ALKBH8: variants seen among roughly 807,000 people sequenced by gnomAD.
ALKBH8 encodes the protein tRNA (carboxymethyluridine(34)-5-O)-methyltransferase ALKBH8.
Under a neutral mutation model 59.8 loss-of-function variants are expected in ALKBH8, and 36 were observed. That is an observed-to-expected ratio of 0.60 (90% CI 0.46 to 0.79). ALKBH8 has a LOEUF of 0.79. ALKBH8 is among the 30% of genes least tolerant of loss of function. The pLI is 0.00. For synonymous variants in ALKBH8, 276 were observed against 273.6 expected, an observed-to-expected ratio of 1.01 and a Z score of -0.09; for missense variants, 768 against 801.0, an observed-to-expected ratio of 0.96 and a Z score of 0.50.
chr11:107,560,616 G>A, intron 2 of ALKBH8, 149 bp downstream of exon 2: 1 of 669,776 alleles, frequency 1.5e-6, no homozygotes, highest in South Asian at 4.3e-5. Context: ...AAAATAGAAA[G>A]TTAGCAGTTC....
chr11:107,553,759 G>A (rs777611638), intron 4 of ALKBH8, 88 bp downstream of exon 4: 1 of 1,406,076 alleles, frequency 7.1e-7, no homozygotes, highest in Non-Finnish European at 9.5e-7. Context: ...TAATTTTGAG[G>A]AAATATTAAT....
At chr11:107,555,025 C>T (rs147335484) in intron 3 of ALKBH8, among the ~76,000 whole-genome samples, 6,533 of 152,126 alleles carry the variant, frequency 0.043, 446 homozygotes, top group African/African-American at 0.14. Context: ...TTTGGGAGTC[C>T]GAGGTGGGCG....
chr11:107,534,899 C>A (rs1038102274), intron 7 of ALKBH8, among the ~76,000 whole-genome samples: 2 of 152,008 alleles, frequency 1.3e-5, no homozygotes, highest in African/African-American at 4.8e-5. Flanking sequence ...GTCCTTTACC[C>A]CTCACCCCCG....
rs573645372 is a variant in ALKBH8, at chr11:107,565,212, C to G, written c.-7+389G>C. 2.3e-4 allele frequency: 55 copies of G among 242,398 alleles called. No homozygotes were observed. In the South Asian group the frequency reaches 4.0e-3, roughly 18 times the overall value. The allele number at this position is 242,398 out of a possible 1,614,324, so 15.0% of individuals were successfully genotyped here. On this transcript the variant is annotated intron_variant, in intron 1 of 11. Coordinates refer to ENST00000428149, the MANE Select transcript of ALKBH8 (RefSeq NM_138775.3). ...GCTCAAATAAGAGCACAGGAAGACTCAGCTGCGCAAGGGATCAGATCATCA... is the reference window on the plus strand; with the variant it reads ...GCTCAAATAAGAGCACAGGAAGACTGAGCTGCGCAAGGGATCAGATCATCA...
At chr11:107,513,792 G>A (rs750430266) in intron 10 of ALKBH8, among the ~76,000 whole-genome samples, 11 of 152,122 alleles carry the variant, frequency 7.2e-5, no homozygotes, top group African/African-American at 1.4e-4. Flanking sequence ...TGCAGGTGCC[G>A]AAAACCAAAT....
intron 3 of ALKBH8, among the ~76,000 whole-genome samples, chr11:107,555,201 A>G (rs896772310): frequency 6.6e-6 from 1 of 152,196 alleles, no homozygotes; most frequent in Non-Finnish European, 1.5e-5. Context: ...TGGAGCTTGC[A>G]GTGAGCTGAG....
intron 7 of ALKBH8, among the ~76,000 whole-genome samples, chr11:107,549,055 G>T: frequency 6.6e-6 from 1 of 152,050 alleles, no homozygotes; most frequent in Non-Finnish European, 1.5e-5. Context: ...GTTTCACCGT[G>T]TTAGCCAGGA....
chr11:107,511,105 T>C, intron 10 of ALKBH8, 69 bp from the exon 11 acceptor site: 1 of 1,469,180 alleles, frequency 6.8e-7, no homozygotes, highest in Admixed American at 2.0e-5. Context: ...TATGAACTTA[T>C]TCCATACCTT....
Position 107,505,167 on chromosome 11 carries a change from C to G in ALKBH8, c.1486G>C (p.Gly496Arg), listed in dbSNP as rs769733031. Reference sequence around the variant, plus strand: ...CAGACATAAATGAGTGCCTTCCCACCTGGTCTCAGGAGTCGAACAATTTCT... The same window carrying G: ...CAGACATAAATGAGTGCCTTCCCACGTGGTCTCAGGAGTCGAACAATTTCT... ...LQEIVRLLRPGGKALIYVWAM... is the reference protein window; with the variant it reads ...LQEIVRLLRPRGKALIYVWAM... Residue 496 changes from glycine to arginine, a missense_variant, in exon 12 of 12, where the codon GGT becomes CGT. Physicochemically the swap from Gly to Arg is moderately radical, Grantham distance 125. Transcript: ENST00000428149. 57 of 1,550,698 alleles carry G rather than the reference C, an allele frequency of 3.7e-5. No homozygotes were observed. The African/African-American group carries it at 6.7e-4, about 18-fold the overall frequency.
intron 8 of ALKBH8, among the ~76,000 whole-genome samples, chr11:107,526,923 G>A (rs1863380130): frequency 6.6e-6 from 1 of 151,884 alleles, no homozygotes; most frequent in Admixed American, 6.6e-5. Context: ...CTGTCCTCCT[G>A]ATCTATCTGT....
At chr11:107,563,977 T>G (rs566632455) in intron 1 of ALKBH8, among the ~76,000 whole-genome samples, 5 of 152,264 alleles carry the variant, frequency 3.3e-5, no homozygotes, top group Admixed American at 3.3e-4. Context: ...ATCTGAGTCA[T>G]CTCAACAAGG....
chr11:107,522,409 G>A lies in ALKBH8; in HGVS notation c.1177C>T (p.Pro393Ser). The A allele has an allele frequency of 5.2e-6, 8 of 1,551,720 alleles. No homozygotes were observed. The highest frequency in any genetic ancestry group is 6.1e-6 in the Non-Finnish European group (7 of 1,146,986). The change falls in exon 10 of 12, where the codon CCT becomes TCT. Residue 393 changes from proline (P) to serine (S), a missense_variant. Coordinates refer to ENST00000428149, the MANE Select transcript of ALKBH8 (RefSeq NM_138775.3). Reference sequence around the variant, plus strand: ...AAAAACTCCACAATGTGCGGCCAAGGGGTATGTCTTGTGCTGCTGAAGTGC... The same window carrying A: ...AAAAACTCCACAATGTGCGGCCAAGAGGTATGTCTTGTGCTGCTGAAGTGC... ...AGHFSSTRHT[P>S]WPHIVEFLKA...
chr11:107,526,508 G>GT (rs1204187718), intron 8 of ALKBH8, among the ~76,000 whole-genome samples: 1 of 151,812 alleles, frequency 6.6e-6, no homozygotes, highest in African/African-American at 2.4e-5. Context: ...TAAATAGCAG[G>GT]TATTTTCTCT....
intron 7 of ALKBH8, among the ~76,000 whole-genome samples, chr11:107,532,927 T>A (rs376835588): frequency 2.6e-5 from 4 of 152,238 alleles, no homozygotes; most frequent in South Asian, 4.1e-4. Context: ...AACTAGCTAT[T>A]GTTTTTATTA....
chr11:107,521,198 A>G (rs1463906849), intron 10 of ALKBH8, among the ~76,000 whole-genome samples: 1 of 152,144 alleles, frequency 6.6e-6, no homozygotes, highest in Non-Finnish European at 1.5e-5. Flanking sequence ...TCCTCAGTAG[A>G]ATCCTAGGTG....
chr11:107,555,604 T>C (rs1304954045), intron 3 of ALKBH8, among the ~76,000 whole-genome samples: 1 of 152,196 alleles, frequency 6.6e-6, no homozygotes, highest in African/African-American at 2.4e-5. Flanking sequence ...CACTGAGAAA[T>C]ATAGTTTCTA....
At position 107,508,032 on chromosome 11, in the gene ALKBH8, C is replaced by T. The variant is rs1183562823; in HGVS notation, c.1438-2817G>A. Among the ~76,000 whole-genome samples the T allele has an allele frequency of 2.0e-5, 3 of 152,292 alleles. No individual in the cohort carries two copies. The South Asian group carries it at 6.2e-4, about 32-fold the overall frequency. On this transcript the variant is annotated intron_variant, in intron 11 of 11. Coordinates refer to ENST00000428149, the MANE Select transcript of ALKBH8 (RefSeq NM_138775.3). ...TAACTATGGCATTCAACCAACAACACATAAATCCAACAAATTATAAATAAA... is the reference window on the plus strand; with the variant it reads ...TAACTATGGCATTCAACCAACAACATATAAATCCAACAAATTATAAATAAA...
chr11:107,520,423 C>T, intron 10 of ALKBH8, among the ~76,000 whole-genome samples: 1 of 152,136 alleles, frequency 6.6e-6, no homozygotes, highest in South Asian at 2.1e-4. Context: ...TTCTCAATTG[C>T]AACATAATAA....
intron 7 of ALKBH8, among the ~76,000 whole-genome samples, chr11:107,543,851 C>A (rs1417017406): frequency 6.6e-6 from 1 of 151,932 alleles, no homozygotes; most frequent in Non-Finnish European, 1.5e-5. Context: ...ACCCCACATT[C>A]AGATGGTTTC....
Sources: gnomAD v4.1 joint callset for allele counts (sites outside exome capture counted in the v4.1 genomes callset) on GRCh38, gnomAD v4.1.1 for gene constraint, MANE v1.5 for transcripts, NCBI Gene and HGNC (gene_info 2026-07-23, HGNC 2026-07-21) for gene names.